Variants in FREM1 observed in about 807,000 individuals in gnomAD.
FREM1 encodes the protein FRAS1-related extracellular matrix protein 1.
FREM1 carries 220 observed loss-of-function variants against 210.1 expected under a neutral mutation model. That is an observed-to-expected ratio of 1.05 (90% CI 0.94 to 1.17). The LOEUF (loss-of-function observed/expected upper bound fraction) is 1.17, where lower values mean the gene tolerates loss of function less well. Ranked by LOEUF, FREM1 falls within the 50% of genes most tolerant of loss-of-function variation. FREM1 has a pLI of 0.00. For synonymous variants in FREM1, 1,189 were observed against 980.2 expected, an observed-to-expected ratio of 1.21 and a Z score of -3.98; for missense variants, 3,454 against 2,675.5, an observed-to-expected ratio of 1.29 and a Z score of -6.42.
At chr9:14,893,019 G>C (rs1837123318) in intron 1 of FREM1, among the ~76,000 whole-genome samples, 1 of 152,164 alleles carries the variant, frequency 6.6e-6, no homozygotes. Context: ...TCTGTGTTTT[G>C]TCACATGTAT....
intron 27 of FREM1, among the ~76,000 whole-genome samples, chr9:14,769,384 T>TG (rs1343174527): frequency 6.6e-6 from 1 of 152,236 alleles, no homozygotes; most frequent in Non-Finnish European, 1.5e-5. Flanking sequence ...GACCTCTTGC[T>TG]GCACAATTGC....
At chr9:14,825,579 T>G (rs1822296193) in intron 10 of FREM1, among the ~76,000 whole-genome samples, 1 of 110,414 alleles carries the variant, frequency 9.1e-6, no homozygotes. Context: ...ATACCACAAT[T>G]ATAGTGAATC....
intron 1 of FREM1, among the ~76,000 whole-genome samples, chr9:14,890,142 G>GGAAAGA (rs1836544315): frequency 6.6e-6 from 1 of 152,208 alleles, no homozygotes. Context: ...TCCACCACAT[G>GGAAAGA]CCACTTCTCA....
chr9:14,858,825 A>G (rs1829282061), intron 4 of FREM1, among the ~76,000 whole-genome samples: 2 of 152,182 alleles, frequency 1.3e-5, no homozygotes, highest in Non-Finnish European at 2.9e-5. Flanking sequence ...TATTACTAAT[A>G]ACAGCTGACA....
chr9:14,833,854 T>C (rs898874434), intron 10 of FREM1, among the ~76,000 whole-genome samples: 1 of 152,236 alleles, frequency 6.6e-6, no homozygotes, highest in Non-Finnish European at 1.5e-5. Flanking sequence ...TCTTAATGCA[T>C]GCCTGAAAGG....
At chr9:14,862,055 A>T (rs1830695613) in intron 3 of FREM1, among the ~76,000 whole-genome samples, 1 of 152,178 alleles carries the variant, frequency 6.6e-6, no homozygotes, top group Non-Finnish European at 1.5e-5. Flanking sequence ...AGAAAGATCA[A>T]ATGGCCCTGT....
At chr9:14,843,503 G>T (rs1184475891) in intron 8 of FREM1, among the ~76,000 whole-genome samples, 2 of 151,948 alleles carry the variant, frequency 1.3e-5, no homozygotes, top group African/African-American at 4.8e-5. Context: ...AGATAGGTAG[G>T]TAGGTAGGTA....
Position 14,904,419 on chromosome 9 carries a change from G to C in FREM1, c.-268+5495C>G, listed in dbSNP as rs569953892. The stretch of plus-strand genomic sequence containing the variant: ...AAGATCCACAGCTTTGATAATCAGA[G>C]CCTGGAATGATGCACTGAGCCAGTA... On this transcript the variant is annotated intron_variant, in intron 1 of 36. Transcript: ENST00000380880. Among the ~76,000 whole-genome samples, 17 of 152,328 alleles carry C rather than the reference G, an allele frequency of 1.1e-4. No individual in the cohort carries two copies. The South Asian group carries it at 3.3e-3, about 30-fold the overall frequency.
At chr9:14,758,147 G>A (rs550275639) in intron 28 of FREM1, among the ~76,000 whole-genome samples, 51 of 152,296 alleles carry the variant, frequency 3.3e-4, no homozygotes, top group African/African-American at 1.2e-3. Flanking sequence ...TCCCAGTCAA[G>A]CAGCCAAGCT....
In FREM1 at chr9:14,815,073, G is replaced by A. The variant is rs115803952; in HGVS notation, c.2640+1705C>T. ...TACTGCTCTTTATTCAGATCCCAAAGGCCATTATGAGGACTAAGTGGGAAA... is the reference window on the plus strand; with the variant it reads ...TACTGCTCTTTATTCAGATCCCAAAAGCCATTATGAGGACTAAGTGGGAAA... On this transcript the variant is annotated intron_variant, in intron 15 of 36. Transcript: ENST00000380880. Among the ~76,000 whole-genome samples, 591 of 152,318 alleles carry A rather than the reference G, an allele frequency of 3.9e-3. 3 individuals carry two copies. The highest frequency in any genetic ancestry group is 0.014 in the African/African-American group (566 of 41,558).
rs1491231101 is a variant in FREM1, at chr9:14,860,561, A to ATGTGTATATATATGTGTG, written c.330-1078_330-1077insCACACATATATATACACA. 5.8e-4 allele frequency among the ~76,000 whole-genome samples: 61 copies of ATGTGTATATATATGTGTG among 104,952 alleles called. 2 individuals are homozygous for ATGTGTATATATATGTGTG. Among genetic ancestry groups the ATGTGTATATATATGTGTG allele is most frequent in the African/African-American group, 3.9e-3 (54 of 13,794 alleles). The allele number at this position is 104,952 out of a possible 152,430, so 68.9% of individuals were successfully genotyped here. ...TATATATACACATATATATACACAC[A>ATGTGTATATATATGTGTG]TATATATACACATATATATACACAT... On this transcript the variant is annotated intron_variant, in intron 3 of 36. Transcript: ENST00000380880.
chr9:14,847,459 T>A (rs1045447348), intron 7 of FREM1, among the ~76,000 whole-genome samples: 1,628 of 17,448 alleles, frequency 0.093, 4 homozygotes, highest in Non-Finnish European at 0.11. Flanking sequence ...GGAGGGAGGG[T>A]GGGAGGGAGA....
Position 14,756,380 on chromosome 9 carries a change from C to T in FREM1, c.5401G>A (p.Asp1801Asn). 2 of 1,592,694 alleles carry T rather than the reference C, an allele frequency of 1.3e-6. No homozygotes were observed. The highest frequency in any genetic ancestry group is 1.7e-6 in the Non-Finnish European group (2 of 1,168,600). Residue 1801 changes from aspartate to asparagine, a missense_variant, in exon 29 of 37, where the codon GAC becomes AAC. Transcript: ENST00000380880. The stretch of plus-strand genomic sequence containing the variant: ...CTGCAGACACAAAATGTACCTGGGT[C>T]AAACTGAATCAGTTTAGATGGAATC... ...TVIPSKLIQF[D>N]PGMSTKMWNI...
At chr9:14,859,511 T>C in intron 3 of FREM1, 27 bp from the exon 4 acceptor site, 1 of 1,576,294 alleles carries the variant, frequency 6.3e-7, no homozygotes, top group Non-Finnish European at 8.7e-7. Context: ...GCAAAAGCAA[T>C]ATTAATTGGT....
intron 6 of FREM1, among the ~76,000 whole-genome samples, chr9:14,849,286 C>G (rs983902531): frequency 2.6e-5 from 4 of 152,192 alleles, no homozygotes; most frequent in Non-Finnish European, 5.9e-5. Flanking sequence ...AAAGAATTAT[C>G]TGATACAAAA....
At chr9:14,806,084 T>C (rs1818289016) in intron 18 of FREM1, among the ~76,000 whole-genome samples, 1 of 152,192 alleles carries the variant, frequency 6.6e-6, no homozygotes, top group East Asian at 1.9e-4. Context: ...AACCATTCTT[T>C]CTTCAATGTT....
chr9:14,876,840 G>C (rs148503760), intron 1 of FREM1, among the ~76,000 whole-genome samples: 1 of 152,092 alleles, frequency 6.6e-6, no homozygotes, highest in Non-Finnish European at 1.5e-5. Context: ...CCTTTAATAT[G>C]GTTGTTGAAC....
intron 13 of FREM1, among the ~76,000 whole-genome samples, chr9:14,821,197 G>A (rs1821243107): frequency 1.3e-5 from 2 of 151,900 alleles, no homozygotes; most frequent in Non-Finnish European, 1.5e-5. Context: ...TCCTGTGGTG[G>A]GTCTCACTGA....
At chr9:14,856,558 T>C (rs12554254) in intron 5 of FREM1, among the ~76,000 whole-genome samples, 9,128 of 152,262 alleles carry the variant, frequency 0.06, 335 homozygotes, top group East Asian at 0.13. Context: ...TTGGATCATC[T>C]TTCCTCAGCA....
Sources: gnomAD v4.1 joint callset for allele counts (sites outside exome capture counted in the v4.1 genomes callset) on GRCh38, gnomAD v4.1.1 for gene constraint, MANE v1.5 for transcripts, NCBI Gene and HGNC (gene_info 2026-07-23, HGNC 2026-07-21) for gene names.